Variants in GRK7 observed in about 807,000 individuals in gnomAD.
GRK7 encodes rhodopsin kinase GRK7.
Under a neutral mutation model 34.1 loss-of-function variants are expected in GRK7, and 24 were observed. The ratio of observed to expected loss-of-function variants is 0.70; its 90% CI spans 0.51 to 0.99. GRK7 has a LOEUF of 0.99. GRK7 is among the 50% of genes least tolerant of loss of function. The pLI is 0.00. For synonymous variants in GRK7, 256 were observed against 279.4 expected (o/e 0.92, Z 0.84); for missense variants, 644 against 707.3 (o/e 0.91, Z 1.02).
At chr3:141,750,926 A>G in the GRK7 span, among the ~76,000 whole-genome samples, 1 of 152,062 alleles carries the variant, frequency 6.6e-6, no homozygotes, top group Non-Finnish European at 1.5e-5. Flanking sequence ...AGTCTCAGCT[A>G]TTTGGGAGGC....
chr3:141,753,290 G>T, the GRK7 span, among the ~76,000 whole-genome samples: 1 of 152,168 alleles, frequency 6.6e-6, no homozygotes, highest in African/African-American at 2.4e-5. Context: ...ATATTTTAGA[G>T]CTGTATATTC....
At chr3:141,759,436 CT>C (rs1480830615), upstream of GRK7, among the ~76,000 whole-genome samples, 1 of 120,334 alleles carries the variant, frequency 8.3e-6, no homozygotes, top group Admixed American at 9.1e-5. Flanking sequence ...GTCTTTGGCT[CT>C]GTTTATATGC....
intron 4 of GRK7, among the ~76,000 whole-genome samples, chr3:141,784,041 A>G (rs969446129): frequency 6.6e-6 from 1 of 152,206 alleles, no homozygotes; most frequent in African/African-American, 2.4e-5. Context: ...GCCCATGGAC[A>G]TGTATCACAC....
intron 2 of GRK7, among the ~76,000 whole-genome samples, chr3:141,776,514 G>A (rs747655137): frequency 4.6e-5 from 7 of 152,120 alleles, no homozygotes; most frequent in East Asian, 3.9e-4. Context: ...AACATTTCCC[G>A]TGTTGGTTTC....
At chr3:141,756,207 G>T in the GRK7 span, among the ~76,000 whole-genome samples, 1 of 151,998 alleles carries the variant, frequency 6.6e-6, no homozygotes, top group East Asian at 1.9e-4. Flanking sequence ...AGCTACTCAG[G>T]AGGCTAAGGC....
chr3:141,754,066 T>G, the GRK7 span, among the ~76,000 whole-genome samples: 1 of 152,198 alleles, frequency 6.6e-6, no homozygotes, highest in African/African-American at 2.4e-5. Context: ...TAATTTTGTG[T>G]TTAGTATGGT....
chr3:141,753,486 A>C, the GRK7 span, among the ~76,000 whole-genome samples: 15 of 152,168 alleles, frequency 9.9e-5, no homozygotes, highest in Admixed American at 2.6e-4. Flanking sequence ...CATTAGTTAG[A>C]TTCTCATAAG....
At chr3:141,750,764 CTTT>C in the GRK7 span, among the ~76,000 whole-genome samples, 20 of 143,090 alleles carry the variant, frequency 1.4e-4, no homozygotes, top group Admixed American at 2.1e-4. Context: ...GGTTTATAAC[CTTT>C]TTTTTTTTTT....
In GRK7 at chr3:141,813,354, T is replaced by C. The variant is rs185648319; in HGVS notation, c.1326-3360T>C. Among the ~76,000 whole-genome samples the C allele has an allele frequency of 3.8e-3, 577 of 152,314 alleles. 1 individual carries two copies. Among genetic ancestry groups the C allele is most frequent in the African/African-American group, 0.013 (555 of 41,578 alleles). On this transcript the variant is annotated intron_variant, in intron 5 of 5. Coordinates refer to ENST00000682958, the MANE Select transcript of GRK7 (RefSeq NM_139209.3). Reference sequence around the variant, plus strand: ...GTTGGCCAGGCTGGTCTCAAACTCCTGGCCTCAGGAGATCCACCCGCTTTG... The same window carrying C: ...GTTGGCCAGGCTGGTCTCAAACTCCCGGCCTCAGGAGATCCACCCGCTTTG...
chr3:141,791,928 C>T (rs892155856), intron 4 of GRK7, among the ~76,000 whole-genome samples: 11 of 150,712 alleles, frequency 7.3e-5, no homozygotes, highest in Admixed American at 4.0e-4. Flanking sequence ...CGCTTGAACC[C>T]GGGAGGCGGA....
intron 4 of GRK7, among the ~76,000 whole-genome samples, chr3:141,806,807 T>G (rs1711041294): frequency 1.3e-5 from 2 of 151,992 alleles, no homozygotes; most frequent in South Asian, 4.1e-4. Context: ...TGGAGATTGG[T>G]TGCACAACAG....
In GRK7 at chr3:141,778,627, A is replaced by T. The variant is rs34769632; in HGVS notation, c.343A>T (p.Ser115Cys). 0.011 allele frequency: 17,572 copies of T among 1,612,350 alleles called. 325 individuals carry two copies. Among genetic ancestry groups the T allele is most frequent in the East Asian group, 0.073 (3,266 of 44,852 alleles). The change falls in exon 3 of 6, where the codon AGT becomes TGT. Residue 115 changes from serine to cysteine, a missense_variant. Ser to Cys is a moderately radical substitution (Grantham distance 112). Coordinates refer to ENST00000682958, the MANE Select transcript of GRK7 (RefSeq NM_139209.3). The surrounding 1 kb of genome is among the most constrained non-coding windows in gnomAD (Gnocchi z 4.1). ...GCAGGGGCTGGTGGCCACTTGTGCG[A>T]GTGCCCCTGCCCCGGGGAACCCGCA... ...ALQGLVATCASAPAPGNPQPF... is the reference protein window; with the variant it reads ...ALQGLVATCACAPAPGNPQPF...
intron 1 of GRK7, among the ~76,000 whole-genome samples, chr3:141,768,141 G>A (rs1034924616): frequency 3.3e-5 from 5 of 152,092 alleles, no homozygotes; most frequent in Non-Finnish European, 5.9e-5. Flanking sequence ...GGTAAATGGG[G>A]CCACCACACA....
intron 4 of GRK7, among the ~76,000 whole-genome samples, chr3:141,802,366 T>TCACACACACA (rs113029036): frequency 0.12 from 16,849 of 145,448 alleles, 1,079 homozygotes; most frequent in Middle Eastern, 0.19. Context: ...TCTTTCTCTG[T>TCACACACACA]CACACACACA....
the GRK7 span, among the ~76,000 whole-genome samples, chr3:141,755,684 A>G: frequency 6.6e-6 from 1 of 152,134 alleles, no homozygotes. Flanking sequence ...TGATAACACT[A>G]AGTCTTGATG....
At chr3:141,760,584 A>G (rs1309530315), upstream of GRK7, among the ~76,000 whole-genome samples, 1 of 149,490 alleles carries the variant, frequency 6.7e-6, no homozygotes, top group Non-Finnish European at 1.5e-5. Flanking sequence ...AAAAAAATGT[A>G]TATTCTGTTG....
chr3:141,797,610 T>C (rs1209784661), intron 4 of GRK7, among the ~76,000 whole-genome samples: 1 of 152,134 alleles, frequency 6.6e-6, no homozygotes, highest in African/African-American at 2.4e-5. Flanking sequence ...GTTTGGATTG[T>C]GCTGTCGACT....
chr3:141,808,431 A>G (rs1429925454), intron 5 of GRK7, among the ~76,000 whole-genome samples: 1 of 152,158 alleles, frequency 6.6e-6, no homozygotes, highest in Non-Finnish European at 1.5e-5. Context: ...CAGAAAGTAG[A>G]AGGCCGGGCA....
chr3:141,807,935 A>C lies in GRK7; in HGVS notation c.1325+16A>C, dbSNP rs1042026563. 1 of 1,557,300 alleles carries C rather than the reference A, an allele frequency of 6.4e-7. No homozygotes were observed. On this transcript the variant is annotated intron_variant, in intron 5 of 5. Coordinates refer to ENST00000682958, the MANE Select transcript of GRK7 (RefSeq NM_139209.3). Reference sequence around the variant, plus strand: ...TAGGAAGCAGGTAAACTAGCATGTAACAGAGAGGATTGCTGACACCAGTAT... The same window carrying C: ...TAGGAAGCAGGTAAACTAGCATGTACCAGAGAGGATTGCTGACACCAGTAT...
Sources: allele counts gnomAD v4.1 joint callset (sites outside exome capture counted in the v4.1 genomes callset), GRCh38; gene constraint gnomAD v4.1.1; non-coding constraint Gnocchi (gnomAD v3.1); transcripts MANE v1.5; gene names NCBI Gene and HGNC (gene_info 2026-07-23, HGNC 2026-07-21).